The following DEPDC1B variants were observed in gnomAD, a reference collection of about 807,000 sequenced individuals.
The protein encoded by DEPDC1B is DEP domain-containing protein 1B.
In DEPDC1B, 51 loss-of-function variants were observed where a neutral mutation model predicts 66.5. The ratio of observed to expected loss-of-function variants is 0.77; its 90% CI spans 0.61 to 0.97. The LOEUF is 0.97. Among genes scored for constraint, DEPDC1B ranks in the 50% least tolerant of loss-of-function variants. The pLI is 0.00. For missense variants in DEPDC1B, 552 were observed against 637.1 expected, an observed-to-expected ratio of 0.87 and a Z score of 1.44; for synonymous variants, 226 against 223.6, an observed-to-expected ratio of 1.01 and a Z score of -0.10.
chr5:60,688,236 T>C (rs966357231), intron 1 of DEPDC1B, among the ~76,000 whole-genome samples: 1 of 152,086 alleles, frequency 6.6e-6, no homozygotes, highest in Non-Finnish European at 1.5e-5. Context: ...TTTGAAAGAA[T>C]AGCTACTAGA....
chr5:60,642,395 A>G (rs1753209850), intron 6 of DEPDC1B, among the ~76,000 whole-genome samples: 1 of 152,226 alleles, frequency 6.6e-6, no homozygotes, highest in Non-Finnish European at 1.5e-5. Context: ...ATTCAATGAT[A>G]TGGAAATCAC....
intron 7 of DEPDC1B, among the ~76,000 whole-genome samples, chr5:60,606,304 A>G (rs148199505): frequency 1.1e-3 from 175 of 152,250 alleles, no homozygotes; most frequent in African/African-American, 4.0e-3. Flanking sequence ...TCAGTGACTA[A>G]ATAAAGGACT....
intron 7 of DEPDC1B, among the ~76,000 whole-genome samples, chr5:60,629,129 G>A (rs1752867531): frequency 6.6e-6 from 1 of 152,168 alleles, no homozygotes; most frequent in Non-Finnish European, 1.5e-5. Flanking sequence ...GCTTCTCCGG[G>A]GAGCTTTTCT....
intron 8 of DEPDC1B, among the ~76,000 whole-genome samples, chr5:60,604,536 T>G (rs1389883724): frequency 6.6e-6 from 1 of 152,082 alleles, no homozygotes; most frequent in Admixed American, 6.6e-5. Context: ...ACTCCATTCT[T>G]AATACTGTTC....
intron 1 of DEPDC1B, among the ~76,000 whole-genome samples, chr5:60,692,175 G>A (rs1754560789): frequency 6.6e-6 from 1 of 152,162 alleles, no homozygotes; most frequent in Admixed American, 6.5e-5. Context: ...GGTAACCAGA[G>A]GCTGAGGGGA....
chr5:60,689,404 T>C (rs776358300), intron 1 of DEPDC1B, among the ~76,000 whole-genome samples: 1 of 152,218 alleles, frequency 6.6e-6, no homozygotes, highest in Non-Finnish European at 1.5e-5. Flanking sequence ...TGTGTCCCCA[T>C]TGTGTCTTTG....
intron 6 of DEPDC1B, 55 bp from the exon 7 acceptor site, chr5:60,638,945 T>C: frequency 1.3e-6 from 2 of 1,574,980 alleles, no homozygotes; most frequent in East Asian, 2.3e-5. Context: ...TACCTCTAAG[T>C]ATTATTCTCT....
In DEPDC1B at chr5:60,613,788, TTGTGTGTGTGTGTGTG is replaced by T. The variant is rs36109910; in HGVS notation, c.899-7948_899-7933del. 1.3e-3 allele frequency among the ~76,000 whole-genome samples: 133 copies of T among 103,378 alleles called. 2 individuals carry two copies. The highest frequency in any genetic ancestry group is 2.2e-3 in the Non-Finnish European group (112 of 50,188). 67.8% of individuals were successfully genotyped at this position (103,378 alleles called of 152,430 possible). A position where few individuals can be genotyped will look rare whatever the true frequency, so the allele number is the denominator to read the frequency against. ...TGAAAAAAGGTTGTTACATATGTAT[TTGTGTGTGTGTGTGTG>T]TGTGTGTGTGTGTGTGTGTGTGTGT... is the stretch of plus-strand genomic sequence containing the variant. On this transcript the variant is annotated intron_variant, in intron 7 of 10. Transcript: ENST00000265036.
At position 60,693,005 on chromosome 5, in the gene DEPDC1B, G is replaced by A. The variant is rs543235829; in HGVS notation, c.49-5778C>T. On this transcript the variant is annotated intron_variant, in intron 1 of 10. Coordinates refer to ENST00000265036, the MANE Select transcript of DEPDC1B (RefSeq NM_018369.3). The stretch of plus-strand genomic sequence containing the variant: ...CATAAGGAGGTAGGGACCAAGTGGG[G>A]GAAAGGAGACTTCTGCGGTGCTAGT... 1.4e-3 allele frequency among the ~76,000 whole-genome samples: 209 copies of A among 152,192 alleles called. 1 individual carries two copies. The highest frequency in any genetic ancestry group is 4.8e-3 in the African/African-American group (199 of 41,548).
rs138557183 is a variant in DEPDC1B, at chr5:60,632,929, C to T, written c.898+5821G>A. 2.2e-4 allele frequency among the ~76,000 whole-genome samples: 33 copies of T among 152,292 alleles called. 1 individual carries two copies. The highest frequency in any genetic ancestry group is 6.5e-4 in the African/African-American group (27 of 41,558). The stretch of plus-strand genomic sequence containing the variant: ...ATGTCTGTCCCTGTCCTTGTCCTGA[C>T]GCCAGCAGAATAAGCCACAGGCTGG... On this transcript the variant is annotated intron_variant, in intron 7 of 10. Transcript: ENST00000265036.
intron 7 of DEPDC1B, among the ~76,000 whole-genome samples, chr5:60,620,975 T>G (rs1752687087): frequency 6.6e-6 from 1 of 152,160 alleles, no homozygotes; most frequent in Admixed American, 6.5e-5. Flanking sequence ...AATAATGAGT[T>G]CATGTGCTTT....
intron 7 of DEPDC1B, among the ~76,000 whole-genome samples, chr5:60,612,450 T>A (rs1169467387): frequency 2.8e-5 from 4 of 143,264 alleles, no homozygotes; most frequent in African/African-American, 1.0e-4. Context: ...AGAATTATGC[T>A]ACATCTATTC....
At chr5:60,598,140 A>T (rs1008178089) in intron 10 of DEPDC1B, among the ~76,000 whole-genome samples, 1 of 152,090 alleles carries the variant, frequency 6.6e-6, no homozygotes, top group Non-Finnish European at 1.5e-5. Context: ...CCCACTGCCA[A>T]CTATAAATAG....
At chr5:60,637,625 T>C (rs1753073680) in intron 7 of DEPDC1B, among the ~76,000 whole-genome samples, 2 of 152,232 alleles carry the variant, frequency 1.3e-5, no homozygotes, top group South Asian at 4.1e-4. Context: ...TATTCATCAT[T>C]AGCCATGATG....
chr5:60,607,220 G>A (rs1240714755), intron 7 of DEPDC1B, among the ~76,000 whole-genome samples: 1 of 152,180 alleles, frequency 6.6e-6, no homozygotes, highest in African/African-American at 2.4e-5. Context: ...ACAGAGATGA[G>A]GTCTCAGAAG....
chr5:60,681,038 T>C (rs1157069066), intron 2 of DEPDC1B, among the ~76,000 whole-genome samples: 1 of 152,206 alleles, frequency 6.6e-6, no homozygotes, highest in East Asian at 1.9e-4. Flanking sequence ...CCTACAGGTG[T>C]TGAGTTAAAT....
intron 8 of DEPDC1B, among the ~76,000 whole-genome samples, chr5:60,604,306 C>T (rs1752268215): frequency 7.2e-6 from 1 of 139,390 alleles, no homozygotes; most frequent in African/African-American, 2.6e-5. Context: ...CTGTAACCTC[C>T]GCCTCCCAGG....
At chr5:60,686,249 A>C (rs919494081) in intron 2 of DEPDC1B, among the ~76,000 whole-genome samples, 1 of 152,142 alleles carries the variant, frequency 6.6e-6, no homozygotes, top group South Asian at 2.1e-4. Flanking sequence ...CCTTCTTTTA[A>C]TCCGTGTAGA....
chr5:60,621,010 A>G (rs1413818224), intron 7 of DEPDC1B, among the ~76,000 whole-genome samples: 1 of 152,098 alleles, frequency 6.6e-6, no homozygotes, highest in Non-Finnish European at 1.5e-5. Flanking sequence ...GAAACTGGAA[A>G]CCATCATTCT....
Sources: allele counts gnomAD v4.1 joint callset (sites outside exome capture counted in the v4.1 genomes callset), GRCh38; gene constraint gnomAD v4.1.1; transcripts MANE v1.5; gene names NCBI Gene and HGNC (gene_info 2026-07-23, HGNC 2026-07-21).